The following SLC37A2 variants were observed in gnomAD, a reference collection of about 807,000 sequenced individuals.
The protein encoded by SLC37A2 is glucose-6-phosphate exchanger SLC37A2.
In SLC37A2, 59 loss-of-function variants were observed where a neutral mutation model predicts 70.7. The observed-to-expected ratio is 0.83, with a 90% confidence interval of 0.68 to 1.04. SLC37A2 has a LOEUF of 1.04. Ranked by LOEUF, SLC37A2 falls within the 50% of genes least tolerant of loss-of-function variation. The probability of loss-of-function intolerance (pLI) is 0.00; values close to 1 mark genes in which losing one functional copy is unlikely to be tolerated. For synonymous variants in SLC37A2, 257 were observed against 262.1 expected (o/e 0.98, Z 0.19); for missense variants, 580 against 658.1 (o/e 0.88, Z 1.30).
intron 1 of SLC37A2, among the ~76,000 whole-genome samples, chr11:125,066,548 AGAAT>A (rs2135557604): frequency 6.6e-6 from 1 of 152,394 alleles, no homozygotes; most frequent in East Asian, 1.9e-4. Context: ...ATAATTTTCA[AGAAT>A]GAATGATCTG....
intron 4 of SLC37A2, 121 bp downstream of exon 4, chr11:125,077,649 C>T (rs976740095): frequency 2.8e-6 from 2 of 706,848 alleles, no homozygotes; most frequent in Non-Finnish European, 4.6e-6. Context: ...AATCCACCCA[C>T]AGCCATCCTC....
intron 1 of SLC37A2, among the ~76,000 whole-genome samples, chr11:125,064,089 C>T (rs1948957760): frequency 6.6e-6 from 1 of 152,202 alleles, no homozygotes; most frequent in South Asian, 2.1e-4. Flanking sequence ...GGCGGTCAAC[C>T]ATTGGAGCAG....
Position 125,083,538 on chromosome 11 carries a change from G to T in SLC37A2, c.977-277G>T. On this transcript the variant is annotated intron_variant, in intron 10 of 17. Coordinates refer to ENST00000403796, the MANE Select transcript of SLC37A2 (RefSeq NM_001145290.2). This position sits in a 1 kb window ranked among gnomAD's most constrained non-coding sequence, Gnocchi z 4.6. Reference sequence around the variant, plus strand: ...GGTGGCCACGGGACAGCAGGCTCGGGGGCCAGATCCCAGAGCTTGCCAGGG... The same window carrying T: ...GGTGGCCACGGGACAGCAGGCTCGGTGGCCAGATCCCAGAGCTTGCCAGGG... The T allele has an allele frequency of 2.5e-6, 1 of 393,382 alleles. No individual in the cohort carries two copies. The highest frequency in any genetic ancestry group is 4.7e-6 in the Non-Finnish European group (1 of 214,544). The allele number at this position is 393,382 out of a possible 1,614,324, so 24.4% of individuals were successfully genotyped here.
rs75801851 is a variant in SLC37A2, at chr11:125,081,415, T to C, written c.695-6T>C. ...AAACTTCTTAGAAAGCGATTTTTTTTTCTAGACCCAGAAGATGTGGACTGC... is the reference window on the plus strand; with the variant it reads ...AAACTTCTTAGAAAGCGATTTTTTTCTCTAGACCCAGAAGATGTGGACTGC... On this transcript the variant is annotated splice_polypyrimidine_tract_variant and splice_region_variant and intron_variant, in intron 7 of 17. Transcript: ENST00000403796. 0.22 allele frequency: 353,057 copies of C among 1,602,180 alleles called. 40,358 individuals carry two copies. The highest frequency in any genetic ancestry group is 0.34 in the South Asian group (30,216 of 89,124).
At chr11:125,072,746 C>T (rs1949042400) in intron 1 of SLC37A2, among the ~76,000 whole-genome samples, 1 of 152,248 alleles carries the variant, frequency 6.6e-6, no homozygotes, top group South Asian at 2.1e-4. Flanking sequence ...AGCCCTTAAC[C>T]TGACCGAAGT....
chr11:125,081,575 C>A, intron 8 of SLC37A2, 117 bp downstream of exon 8: 1 of 1,395,530 alleles, frequency 7.2e-7, no homozygotes, highest in Non-Finnish European at 9.7e-7. Context: ...CCTCACCGAC[C>A]CAGTGCTAGG....
rs771322070 is a variant in SLC37A2 at position 125,086,017 on chromosome 11, G to T, written c.1489G>T (p.Gly497Trp). 1 of 1,613,878 alleles carries T rather than the reference G, an allele frequency of 6.2e-7. No individual in the cohort carries two copies. The highest frequency in any genetic ancestry group is 2.2e-5 in the East Asian group (1 of 44,862). The part of the protein sequence containing the change: ...AWKVSLSRGS[G>W]YKEI Reference sequence around the variant, plus strand: ...GAAGGTGTCCCTGAGCAGAGGCAGCGGGTGAGTCCGGGGAGCTGAAGCTGC... The same window carrying T: ...GAAGGTGTCCCTGAGCAGAGGCAGCTGGTGAGTCCGGGGAGCTGAAGCTGC... Residue 497 changes from glycine to tryptophan, a missense_variant and splice_region_variant, in exon 17 of 18, where the codon GGG becomes TGG. Coordinates refer to ENST00000403796, the MANE Select transcript of SLC37A2 (RefSeq NM_001145290.2).
rs1358590460 is a variant in SLC37A2, at chr11:125,083,409, A to C, written c.977-406A>C. On this transcript the variant is annotated intron_variant, in intron 10 of 17. Coordinates refer to ENST00000403796, the MANE Select transcript of SLC37A2 (RefSeq NM_001145290.2). This position sits in a 1 kb window ranked among gnomAD's most constrained non-coding sequence, Gnocchi z 4.6. ...GCAAGTCTCCTTCCTGGCTCTGTGT[A>C]TGAGCACAGCCTAAGGTAAACGGGA... 6.0e-6 allele frequency: 1 copy of C among 167,064 alleles called. No individual in the cohort carries two copies. Among genetic ancestry groups the C allele is most frequent in the Non-Finnish European group, 1.3e-5 (1 of 77,354 alleles). The allele number at this position is 167,064 out of a possible 1,614,324, so 10.3% of individuals were successfully genotyped here. A position where few individuals can be genotyped will look rare whatever the true frequency, so the allele number is the denominator to read the frequency against.
chr11:125,084,255 T>A lies in SLC37A2; in HGVS notation c.1061T>A (p.Val354Asp). Residue 354 changes from valine to aspartate, a missense_variant, in exon 12 of 18, where the codon GTC becomes GAC. By Grantham distance (152) the Val-to-Asp change is radical. Transcript: ENST00000403796. ...GIIGGIVAGL[V>D]SDYTNGRATT... ...CCAGGCGGCATCGTGGCAGGGCTCGTCTCTGACTACACCAATGGCAGGGCC... is the reference window on the plus strand; with the variant it reads ...CCAGGCGGCATCGTGGCAGGGCTCGACTCTGACTACACCAATGGCAGGGCC... 6.2e-7 allele frequency: 1 copy of A among 1,614,162 alleles called. No individual in the cohort carries two copies. The highest frequency in any genetic ancestry group is 8.5e-7 in the Non-Finnish European group (1 of 1,180,018).
chr11:125,076,628 C>A lies in SLC37A2; in HGVS notation c.60-129C>A. 1.2e-5 allele frequency: 10 copies of A among 832,068 alleles called. No individual in the cohort carries two copies. The South Asian group carries it at 1.4e-4, about 12-fold the overall frequency. 51.5% of individuals were successfully genotyped at this position (832,068 alleles called of 1,614,324 possible). A position where few individuals can be genotyped will look rare whatever the true frequency, so the allele number is the denominator to read the frequency against. On this transcript the variant is annotated intron_variant, in intron 1 of 17. Coordinates refer to ENST00000403796, the MANE Select transcript of SLC37A2 (RefSeq NM_001145290.2). ...TCCCAGCCTCCCCTTGGCCTCTGCACCAAGAAGGAAAGAGTTGGTGGTCCT... is the reference window on the plus strand; with the variant it reads ...TCCCAGCCTCCCCTTGGCCTCTGCAACAAGAAGGAAAGAGTTGGTGGTCCT...
rs747233646 is a variant in SLC37A2, at chr11:125,088,463, C to A, written c.*329C>A. The A allele has an allele frequency of 4.5e-5, 13 of 287,162 alleles. No homozygotes were observed. Among genetic ancestry groups the A allele is most frequent in the Non-Finnish European group, 7.8e-5 (12 of 154,124 alleles). 17.8% of individuals were successfully genotyped at this position (287,162 alleles called of 1,614,324 possible). A position where few individuals can be genotyped will look rare whatever the true frequency, so the allele number is the denominator to read the frequency against. On this transcript the variant is annotated 3_prime_UTR_variant, in exon 18 of 18. Coordinates refer to ENST00000403796, the MANE Select transcript of SLC37A2 (RefSeq NM_001145290.2). ...CTTGTTCAGATTCCAAGACAGAAGG[C>A]TTCACAAGGCCAACGCCTGGAAAAT...
chr11:125,076,279 T>G (rs1410561552), intron 1 of SLC37A2, among the ~76,000 whole-genome samples: 1 of 152,138 alleles, frequency 6.6e-6, no homozygotes, highest in Non-Finnish European at 1.5e-5. Flanking sequence ...GGAGGTGCTG[T>G]GTCTGCCCTG....
Position 125,081,424 on chromosome 11 carries a change from C to T in SLC37A2, c.698C>T (p.Pro233Leu), listed in dbSNP as rs1215115432. ...AGAAAGCGATTTTTTTTTCTAGACCCAGAAGATGTGGACTGCGCCCCTCCT... is the reference window on the plus strand; with the variant it reads ...AGAAAGCGATTTTTTTTTCTAGACCTAGAAGATGTGGACTGCGCCCCTCCT... ...VITFLFLIEH[P>L]EDVDCAPPQH... is the part of the protein sequence containing the mutation. Residue 233 changes from proline to leucine, a missense_variant, in exon 8 of 18, where the codon CCA becomes CTA. Transcript: ENST00000403796. 1 of 1,605,784 alleles carries T rather than the reference C, an allele frequency of 6.2e-7. No homozygotes were observed.
chr11:125,080,655 T>C lies in SLC37A2; in HGVS notation c.569T>C (p.Val190Ala). The C allele has an allele frequency of 6.4e-7, 1 of 1,566,220 alleles. No homozygotes were observed. Among genetic ancestry groups the C allele is most frequent in the Non-Finnish European group, 8.7e-7 (1 of 1,155,484 alleles). ...GGCATCTGGAATTCCCACACATCTG[T>C]GGGCAACATCCTGGGCTCCCTGATC... Reference protein sequence around the residue: ...IMGIWNSHTSVGNILGSLIAG... With the variant: ...IMGIWNSHTSAGNILGSLIAG... The change falls in exon 7 of 18, where the codon GTG becomes GCG. Residue 190 changes from valine to alanine, a missense_variant. Coordinates refer to ENST00000403796, the MANE Select transcript of SLC37A2 (RefSeq NM_001145290.2). The surrounding 1 kb of genome is among the most constrained non-coding windows in gnomAD (Gnocchi z 4.3).
At chr11:125,074,200 G>A (rs549781810) in intron 1 of SLC37A2, among the ~76,000 whole-genome samples, 1 of 151,970 alleles carries the variant, frequency 6.6e-6, no homozygotes, top group East Asian at 2.0e-4. Flanking sequence ...ACTTGGCCTC[G>A]TCCTGCTTGT....
chr11:125,067,569 A>G (rs1800911240), intron 1 of SLC37A2, among the ~76,000 whole-genome samples: 1 of 152,240 alleles, frequency 6.6e-6, no homozygotes, highest in South Asian at 2.1e-4. Context: ...ATATTAAATA[A>G]ATCTAATGAT....
intron 1 of SLC37A2, among the ~76,000 whole-genome samples, chr11:125,067,902 A>G (rs528900406): frequency 6.6e-6 from 1 of 152,368 alleles, no homozygotes; most frequent in Non-Finnish European, 1.5e-5. Context: ...TTTCAATACC[A>G]TGTATACAAA....
intron 10 of SLC37A2, among the ~76,000 whole-genome samples, chr11:125,082,824 C>A (rs1949164836): frequency 6.6e-6 from 1 of 152,176 alleles, no homozygotes; most frequent in African/African-American, 2.4e-5. Context: ...TGCCCCTGTG[C>A]CTGGATCTGC....
chr11:125,086,126 C>G (rs772502075), intron 17 of SLC37A2, 108 bp downstream of exon 17: 161 of 1,521,390 alleles, frequency 1.1e-4, no homozygotes, highest in Non-Finnish European at 1.3e-4. Context: ...CAGCCCAGAC[C>G]TGAGGAGCAC....
Sources: gnomAD v4.1 joint callset for allele counts (sites outside exome capture counted in the v4.1 genomes callset) on GRCh38, gnomAD v4.1.1 for gene constraint, Gnocchi (gnomAD v3.1) non-coding constraint, MANE v1.5 for transcripts, NCBI Gene and HGNC (gene_info 2026-07-23, HGNC 2026-07-21) for gene names.